The following KHDRBS3 variants were observed in gnomAD, a reference collection of about 807,000 sequenced individuals.
KHDRBS3 encodes the protein KH domain-containing, RNA-binding, signal transduction-associated protein 3.
KHDRBS3 carries 23 observed loss-of-function variants against 45.6 expected under a neutral mutation model. That is an observed-to-expected ratio of 0.50 (90% confidence interval 0.36 to 0.72). The LOEUF (loss-of-function observed/expected upper bound fraction) is 0.72, where lower values mean the gene tolerates loss of function less well. Among genes scored for constraint, KHDRBS3 ranks in the 30% least tolerant of loss-of-function variants. KHDRBS3 has a pLI of 0.00. For synonymous variants in KHDRBS3, 162 were observed against 156.5 expected (o/e 1.04, Z -0.26); for missense variants, 352 against 424.8 (o/e 0.83, Z 1.51).
At chr8:135,562,056 A>G (rs1278754175) in intron 5 of KHDRBS3, among the ~76,000 whole-genome samples, 2 of 152,178 alleles carry the variant, frequency 1.3e-5, no homozygotes, top group Non-Finnish European at 2.9e-5. Flanking sequence ...AAAGGAAAAT[A>G]TTTTTAAAAT....
At chr8:135,607,141 C>A in intron 7 of KHDRBS3, 104 bp downstream of exon 7, 1 of 806,032 alleles carries the variant, frequency 1.2e-6, no homozygotes, top group Non-Finnish European at 2.0e-6. Flanking sequence ...GGGTAATTGG[C>A]TTGCCCTGTT....
intron 6 of KHDRBS3, among the ~76,000 whole-genome samples, chr8:135,597,808 C>T (rs1208762039): frequency 6.6e-6 from 1 of 152,114 alleles, no homozygotes; most frequent in Non-Finnish European, 1.5e-5. Flanking sequence ...GTTATTCCTC[C>T]TTTTTCCTAT....
At chr8:135,475,606 A>AG (rs1276111083) in intron 1 of KHDRBS3, among the ~76,000 whole-genome samples, 10 of 152,174 alleles carry the variant, frequency 6.6e-5, no homozygotes, top group Non-Finnish European at 1.0e-4. Context: ...GGGCCACCAC[A>AG]TCTGGCCTTC....
chr8:135,532,117 T>C (rs2130716138), intron 2 of KHDRBS3, among the ~76,000 whole-genome samples: 1 of 152,304 alleles, frequency 6.6e-6, no homozygotes, highest in East Asian at 1.9e-4. Context: ...CCATTTCATG[T>C]GAATGCCATG....
chr8:135,512,403 A>T (rs188462475), intron 1 of KHDRBS3, among the ~76,000 whole-genome samples: 52 of 127,638 alleles, frequency 4.1e-4, no homozygotes, highest in African/African-American at 1.5e-3. Context: ...TAAACTTTAC[A>T]CAAGAGTTAA....
intron 3 of KHDRBS3, among the ~76,000 whole-genome samples, chr8:135,546,408 A>T (rs1826303814): frequency 6.6e-6 from 1 of 152,166 alleles, no homozygotes; most frequent in African/African-American, 2.4e-5. Context: ...TGCTACATTT[A>T]TGAAATTATG....
At chr8:135,559,760 G>A (rs1827079009) in intron 5 of KHDRBS3, among the ~76,000 whole-genome samples, 1 of 152,214 alleles carries the variant, frequency 6.6e-6, no homozygotes. Context: ...GATAAATAGT[G>A]AGTGTTCATT....
At chr8:135,482,155 T>C (rs1822610970) in intron 1 of KHDRBS3, among the ~76,000 whole-genome samples, 1 of 152,208 alleles carries the variant, frequency 6.6e-6, no homozygotes, top group African/African-American at 2.4e-5. Flanking sequence ...CTTTCTGGTT[T>C]TCTTCTGGGT....
At position 135,606,948 on chromosome 8, in the gene KHDRBS3, G is replaced by A. The variant is rs762817865; in HGVS notation, c.808-7G>A. On this transcript the variant is annotated splice_region_variant and splice_polypyrimidine_tract_variant and intron_variant, in intron 6 of 8. Transcript: ENST00000355849. ...AATGTTTTTGTACTTCTCCTGTTAT[G>A]TTTTAGGACTATGATGATGGATATG... 8.1e-6 allele frequency: 13 copies of A among 1,607,634 alleles called. No homozygotes were observed. The highest frequency in any genetic ancestry group is 6.6e-5 in the South Asian group (6 of 90,506).
At chr8:135,522,143 C>T (rs1824946445) in intron 2 of KHDRBS3, among the ~76,000 whole-genome samples, 1 of 152,148 alleles carries the variant, frequency 6.6e-6, no homozygotes, top group East Asian at 1.9e-4. Context: ...TGTTCCCCTC[C>T]CTGTGTCCGT....
intron 2 of KHDRBS3, among the ~76,000 whole-genome samples, chr8:135,537,703 A>G (rs1427871698): frequency 3.3e-5 from 5 of 152,194 alleles, no homozygotes; most frequent in Non-Finnish European, 5.9e-5. Flanking sequence ...GAGAGATACA[A>G]TAATTGACAT....
intron 1 of KHDRBS3, among the ~76,000 whole-genome samples, chr8:135,496,724 T>C (rs145017508): frequency 2.8e-4 from 43 of 152,220 alleles, no homozygotes; most frequent in African/African-American, 9.2e-4. Flanking sequence ...CAAAGTGGTT[T>C]AAAACAGTGT....
chr8:135,517,301 C>T (rs185343972), intron 1 of KHDRBS3, among the ~76,000 whole-genome samples: 154 of 152,228 alleles, frequency 1.0e-3, no homozygotes, highest in African/African-American at 3.5e-3. Context: ...CCTATGCATT[C>T]GTCCTTGAAA....
At chr8:135,653,676 G>A (rs936273939) in intron 4 of KHDRBS3, among the ~76,000 whole-genome samples, 1 of 152,192 alleles carries the variant, frequency 6.6e-6, no homozygotes, top group Non-Finnish European at 1.5e-5. Context: ...CCAACCGTAT[G>A]CTAATGTAAG....
intron 1 of KHDRBS3, among the ~76,000 whole-genome samples, chr8:135,469,591 C>T (rs1048503685): frequency 3.0e-4 from 44 of 146,326 alleles, no homozygotes; most frequent in Admixed American, 2.1e-3. Flanking sequence ...TGCAATGGCG[C>T]GGTCTTGGCT....
At chr8:135,636,873 C>T (rs1430784239) in intron 7 of KHDRBS3, among the ~76,000 whole-genome samples, 1 of 152,188 alleles carries the variant, frequency 6.6e-6, no homozygotes, top group Middle Eastern at 3.2e-3. Context: ...ACAGGCTAAC[C>T]GTAATGTATT....
At chr8:135,646,039 A>G (rs1289544385) in intron 8 of KHDRBS3, among the ~76,000 whole-genome samples, 1 of 132,904 alleles carries the variant, frequency 7.5e-6, no homozygotes, top group Non-Finnish European at 1.6e-5. Flanking sequence ...CGTAACAAAC[A>G]CTTAAGAGAA....
chr8:135,619,713 G>A (rs1451203110), intron 7 of KHDRBS3, among the ~76,000 whole-genome samples: 1 of 152,212 alleles, frequency 6.6e-6, no homozygotes, highest in Non-Finnish European at 1.5e-5. Context: ...AGCTAAATAT[G>A]TCTTACATTC....
At chr8:135,614,820 T>A (rs910937483) in intron 7 of KHDRBS3, among the ~76,000 whole-genome samples, 4 of 151,796 alleles carry the variant, frequency 2.6e-5, no homozygotes, top group African/African-American at 9.7e-5. Context: ...AGGCGGACTT[T>A]ATTCAGGACC....
Sources: gnomAD v4.1 joint callset for allele counts (sites outside exome capture counted in the v4.1 genomes callset) on GRCh38, gnomAD v4.1.1 for gene constraint, MANE v1.5 for transcripts, NCBI Gene and HGNC (gene_info 2026-07-23, HGNC 2026-07-21) for gene names.